The following ADAM12 variants were observed in gnomAD, a reference collection of about 807,000 sequenced individuals.
ADAM12 encodes the protein disintegrin and metalloproteinase domain-containing protein 12.
In ADAM12, 70 loss-of-function variants were observed where a neutral mutation model predicts 106.4. That is an observed-to-expected ratio of 0.66 (90% CI 0.54 to 0.80). The LOEUF is 0.80. Among genes scored for constraint, ADAM12 ranks in the 30% least tolerant of loss-of-function variants. The pLI is 0.00. For synonymous variants in ADAM12, 420 were observed against 433.5 expected (o/e 0.97, Z 0.39); for missense variants, 1,010 against 1,171.9 (o/e 0.86, Z 2.02).
intron 2 of ADAM12, among the ~76,000 whole-genome samples, chr10:126,307,830 T>C (rs1217282077): frequency 6.6e-6 from 1 of 152,224 alleles, no homozygotes; most frequent in African/African-American, 2.4e-5. Context: ...TGACCTTAAA[T>C]GATCTGCCTG....
intron 6 of ADAM12, among the ~76,000 whole-genome samples, chr10:126,111,574 C>T (rs113590281): frequency 6.6e-6 from 1 of 152,146 alleles, no homozygotes; most frequent in South Asian, 2.1e-4. Context: ...GTTGTTTAGA[C>T]GTTTACACTT....
intron 17 of ADAM12, among the ~76,000 whole-genome samples, chr10:126,044,289 A>AG (rs934303877): frequency 7.2e-5 from 11 of 151,850 alleles, no homozygotes; most frequent in African/African-American, 2.4e-4. Flanking sequence ...AAAAAAAAAA[A>AG]AAGTTAAAAA....
At chr10:126,127,179 G>T (rs929803182) in intron 5 of ADAM12, among the ~76,000 whole-genome samples, 1 of 152,160 alleles carries the variant, frequency 6.6e-6, no homozygotes, top group Non-Finnish European at 1.5e-5. Context: ...CTCCATGGGA[G>T]GAAGCAGAAG....
chr10:126,065,107 G>A (rs989887026), intron 13 of ADAM12, 106 bp from the exon 14 acceptor site: 12 of 1,188,782 alleles, frequency 1.0e-5, no homozygotes, highest in Non-Finnish European at 1.4e-5. Flanking sequence ...TCCCACATAA[G>A]GGGTGAGGAT....
In ADAM12 at chr10:126,295,103, C is replaced by T. The variant is rs531258558; in HGVS notation, c.187-16115G>A. ...AAATAAAAGGAAGTGGTCAGTTAAA[C>T]CCATCAGAGCTTCAGAGGAAACTAT... is the stretch of plus-strand genomic sequence containing the variant. On this transcript the variant is annotated intron_variant, in intron 2 of 22. Coordinates refer to ENST00000448723, the MANE Select transcript of ADAM12 (RefSeq NM_001288973.2). 9.9e-4 allele frequency among the ~76,000 whole-genome samples: 150 copies of T among 152,086 alleles called. No individual in the cohort carries two copies. The Middle Eastern group carries it at 0.01, about 10-fold the overall frequency.
At chr10:126,082,382 T>A (rs1955242608) in intron 11 of ADAM12, among the ~76,000 whole-genome samples, 1 of 148,172 alleles carries the variant, frequency 6.7e-6, no homozygotes. Flanking sequence ...TTTTTTTTTT[T>A]TTTTTATGTG....
chr10:126,021,628 G>T (rs1278024832), intron 21 of ADAM12, among the ~76,000 whole-genome samples: 1 of 149,802 alleles, frequency 6.7e-6, no homozygotes, highest in Non-Finnish European at 1.5e-5. Context: ...TAGGAATAAA[G>T]GCCATATAAT....
intron 3 of ADAM12, among the ~76,000 whole-genome samples, chr10:126,202,540 A>G (rs1242085767): frequency 1.3e-5 from 2 of 152,104 alleles, no homozygotes; most frequent in Non-Finnish European, 2.9e-5. Flanking sequence ...GAAGAAGATA[A>G]AGGTCACTCT....
intron 21 of ADAM12, among the ~76,000 whole-genome samples, chr10:126,028,845 T>C (rs887710358): frequency 4.6e-5 from 7 of 151,960 alleles, no homozygotes; most frequent in Non-Finnish European, 8.8e-5. Context: ...ACCTACAGAA[T>C]GGGAGAAAGT....
At chr10:126,136,369 A>C (rs1956406201) in intron 4 of ADAM12, among the ~76,000 whole-genome samples, 1 of 152,204 alleles carries the variant, frequency 6.6e-6, no homozygotes, top group Non-Finnish European at 1.5e-5. Context: ...GTTATGCTGC[A>C]GCCCCAATTA....
At chr10:126,331,474 C>A (rs926173685) in intron 1 of ADAM12, among the ~76,000 whole-genome samples, 3 of 152,174 alleles carry the variant, frequency 2.0e-5, no homozygotes, top group Admixed American at 2.0e-4. Flanking sequence ...TACAGTTCCC[C>A]AAATACTTTT....
intron 2 of ADAM12, among the ~76,000 whole-genome samples, chr10:126,325,348 G>T (rs1016768721): frequency 2.0e-5 from 3 of 152,206 alleles, no homozygotes; most frequent in Non-Finnish European, 2.9e-5. Context: ...GAGGGAACTG[G>T]GGGGAGGCAA....
intron 3 of ADAM12, among the ~76,000 whole-genome samples, chr10:126,260,656 G>A (rs916089617): frequency 1.6e-4 from 25 of 152,238 alleles, no homozygotes; most frequent in Admixed American, 9.2e-4. Context: ...AAAGTGGACA[G>A]AGGGTGAGTG....
intron 1 of ADAM12, among the ~76,000 whole-genome samples, chr10:126,334,145 C>T (rs1854613882): frequency 6.6e-6 from 1 of 152,134 alleles, no homozygotes; most frequent in Admixed American, 6.5e-5. Context: ...TTATACACAG[C>T]TGTGAGGTAT....
chr10:126,029,752 A>G (rs961129454), intron 21 of ADAM12, among the ~76,000 whole-genome samples: 1 of 152,222 alleles, frequency 6.6e-6, no homozygotes, highest in Non-Finnish European at 1.5e-5. Context: ...ATGAAAAAGA[A>G]AATCTTAAAC....
chr10:126,147,564 C>T (rs7085302), intron 4 of ADAM12, among the ~76,000 whole-genome samples: 49,777 of 152,022 alleles, frequency 0.33, 8,459 homozygotes, highest in Non-Finnish European at 0.38. Flanking sequence ...TCCTCTCCCC[C>T]GCCACCCCAA....
intron 3 of ADAM12, among the ~76,000 whole-genome samples, chr10:126,201,880 C>T (rs1258838496): frequency 6.6e-6 from 1 of 152,202 alleles, no homozygotes; most frequent in Admixed American, 6.5e-5. Flanking sequence ...AGACCTTCTA[C>T]CTCGAGCAGA....
rs143863108 is a variant in ADAM12 at position 126,338,563 on chromosome 10, T to A, written c.89-8054A>T. On this transcript the variant is annotated intron_variant, in intron 1 of 22. Transcript: ENST00000448723. Reference sequence around the variant, plus strand: ...CACCGCGCCCGGCCTGTAACTTACATTTTTATAACCGTTACTGGTGAGTGA... The same window carrying A: ...CACCGCGCCCGGCCTGTAACTTACAATTTTATAACCGTTACTGGTGAGTGA... Among the ~76,000 whole-genome samples, 1,423 of 152,332 alleles carry A rather than the reference T, an allele frequency of 9.3e-3. 15 individuals carry two copies. The highest frequency in any genetic ancestry group is 0.011 in the Non-Finnish European group (749 of 68,022).
Position 126,257,494 on chromosome 10 carries a change from A to G in ADAM12, c.260+21421T>C, listed in dbSNP as rs375635006. 1.2e-4 allele frequency among the ~76,000 whole-genome samples: 19 copies of G among 152,366 alleles called. No homozygotes were observed. The East Asian group carries it at 2.7e-3, about 22-fold the overall frequency. On this transcript the variant is annotated intron_variant, in intron 3 of 22. Coordinates refer to ENST00000448723, the MANE Select transcript of ADAM12 (RefSeq NM_001288973.2). Reference sequence around the variant, plus strand: ...ATGTGATAATCTATTCTTTTCACCAACTTTCTCAGGTGCACGAAAGTGGTC... The same window carrying G: ...ATGTGATAATCTATTCTTTTCACCAGCTTTCTCAGGTGCACGAAAGTGGTC...
Sources: gnomAD v4.1 joint callset for allele counts (sites outside exome capture counted in the v4.1 genomes callset) on GRCh38, gnomAD v4.1.1 for gene constraint, MANE v1.5 for transcripts, NCBI Gene and HGNC (gene_info 2026-07-23, HGNC 2026-07-21) for gene names.